The following TAFA5 variants were observed in gnomAD, a reference collection of about 807,000 sequenced individuals.
TAFA5 encodes the protein TAFA chemokine like family member 5.
TAFA5 carries 6 observed loss-of-function variants against 15.3 expected under a neutral mutation model. The observed-to-expected ratio is 0.39, with a 90% confidence interval of 0.21 to 0.77. TAFA5 has a LOEUF of 0.77. Among genes scored for constraint, TAFA5 ranks in the 30% least tolerant of loss-of-function variants. TAFA5 has a pLI of 0.41. For missense variants in TAFA5, 161 were observed against 193.1 expected (o/e 0.83, Z 0.98); for synonymous variants, 103 against 80.7 (o/e 1.28, Z -1.48).
At chr22:48,562,868 GC>G (rs1477034725) in intron 1 of TAFA5, among the ~76,000 whole-genome samples, 1 of 152,152 alleles carries the variant, frequency 6.6e-6, no homozygotes, top group Non-Finnish European at 1.5e-5. Context: ...ACCACACGGG[GC>G]CCCACTTGAC....
chr22:48,571,582 T>TG (rs1923591154), intron 1 of TAFA5, among the ~76,000 whole-genome samples: 2 of 129,578 alleles, frequency 1.5e-5, no homozygotes, highest in Non-Finnish European at 3.2e-5. Context: ...CTGTTTTTTT[T>TG]TTTTTTTTTT....
chr22:48,615,145 G>A (rs1925552154), intron 1 of TAFA5, among the ~76,000 whole-genome samples: 1 of 152,152 alleles, frequency 6.6e-6, no homozygotes, highest in African/African-American at 2.4e-5. Flanking sequence ...CTGAACCCAG[G>A]CTGCCTGGAG....
At chr22:48,629,860 C>T (rs1926152359) in intron 1 of TAFA5, among the ~76,000 whole-genome samples, 1 of 151,740 alleles carries the variant, frequency 6.6e-6, no homozygotes, top group Non-Finnish European at 1.5e-5. Flanking sequence ...GGGCAGATGC[C>T]ACCCGGCAAC....
intron 1 of TAFA5, among the ~76,000 whole-genome samples, chr22:48,619,429 T>C (rs28525396): frequency 0.9 from 136,685 of 151,196 alleles, 62,035 homozygotes; most frequent in East Asian, 1. Context: ...GATCTCAGCT[T>C]ACTGCAACCT....
intron 1 of TAFA5, among the ~76,000 whole-genome samples, chr22:48,585,293 CAT>C (rs1924304679): frequency 6.6e-6 from 1 of 151,298 alleles, no homozygotes; most frequent in East Asian, 1.9e-4. Flanking sequence ...AACACACACA[CAT>C]AAAATACACC....
chr22:48,642,871 G>T (rs1003757573), intron 1 of TAFA5, among the ~76,000 whole-genome samples: 1 of 152,152 alleles, frequency 6.6e-6, no homozygotes, highest in Non-Finnish European at 1.5e-5. Flanking sequence ...TACACAGGGG[G>T]AACAGCTGTG....
intron 3 of TAFA5, among the ~76,000 whole-genome samples, chr22:48,708,570 G>A (rs898108164): frequency 5.3e-5 from 8 of 152,232 alleles, no homozygotes; most frequent in Non-Finnish European, 1.0e-4. Context: ...CCACGCCCAC[G>A]TGCATGGGGC....
At chr22:48,616,733 G>A (rs926231530) in intron 1 of TAFA5, among the ~76,000 whole-genome samples, 7 of 152,164 alleles carry the variant, frequency 4.6e-5, no homozygotes, top group Admixed American at 2.0e-4. Context: ...AAAGCCCAGC[G>A]AGGTGGGTCA....
intron 2 of TAFA5, among the ~76,000 whole-genome samples, chr22:48,660,789 G>A (rs984606958): frequency 2.0e-5 from 3 of 152,190 alleles, no homozygotes; most frequent in African/African-American, 7.2e-5. Flanking sequence ...CAGCAGAAGT[G>A]AGGAGGCTCC....
At chr22:48,711,317 T>C (rs1929246209) in intron 3 of TAFA5, among the ~76,000 whole-genome samples, 2 of 152,024 alleles carry the variant, frequency 1.3e-5, no homozygotes, top group South Asian at 2.1e-4. Flanking sequence ...CTGTGCCTCA[T>C]GTTGCTATGG....
chr22:48,591,169 T>C (rs572326666), intron 1 of TAFA5, among the ~76,000 whole-genome samples: 30 of 152,378 alleles, frequency 2.0e-4, no homozygotes, highest in African/African-American at 6.0e-4. Context: ...CACATTTCTC[T>C]TTTCTCTGAA....
chr22:48,594,957 G>C (rs1345066962), intron 1 of TAFA5, among the ~76,000 whole-genome samples: 18 of 151,850 alleles, frequency 1.2e-4, no homozygotes, highest in Non-Finnish European at 2.6e-4. Flanking sequence ...TGAGCAGGGT[G>C]CCTGTACCCC....
chr22:48,621,423 T>C (rs1289782929), intron 1 of TAFA5, among the ~76,000 whole-genome samples: 1 of 152,010 alleles, frequency 6.6e-6, no homozygotes, highest in Non-Finnish European at 1.5e-5. Flanking sequence ...TCAGCAGATA[T>C]GCCCAGGGCA....
chr22:48,693,079 G>A (rs1225907131), intron 2 of TAFA5, among the ~76,000 whole-genome samples: 1 of 152,250 alleles, frequency 6.6e-6, no homozygotes, highest in Non-Finnish European at 1.5e-5. Flanking sequence ...AAGGCCGTTG[G>A]AACGCTGCCC....
intron 2 of TAFA5, among the ~76,000 whole-genome samples, chr22:48,649,303 C>T (rs961332264): frequency 4.6e-5 from 7 of 152,160 alleles, no homozygotes; most frequent in Non-Finnish European, 7.4e-5. Flanking sequence ...ACCTAGCAGC[C>T]GTATGCCACT....
At chr22:48,605,316 T>C (rs866463475) in intron 1 of TAFA5, among the ~76,000 whole-genome samples, 5 of 111,228 alleles carry the variant, frequency 4.5e-5, no homozygotes, top group Non-Finnish European at 8.0e-5. Context: ...ATGATGGTGG[T>C]GATGGTGATG....
At chr22:48,674,051 C>T (rs923802846) in intron 2 of TAFA5, among the ~76,000 whole-genome samples, 5 of 125,482 alleles carry the variant, frequency 4.0e-5, no homozygotes. Context: ...CACATCTGGA[C>T]TCCTCTGCCC....
At chr22:48,590,022 A>G (rs1924505542) in intron 1 of TAFA5, among the ~76,000 whole-genome samples, 2 of 150,494 alleles carry the variant, frequency 1.3e-5, no homozygotes, top group Admixed American at 6.6e-5. Context: ...TCACGCGCAC[A>G]TGCACGCGTG....
intron 1 of TAFA5, among the ~76,000 whole-genome samples, chr22:48,587,460 C>T (rs923595598): frequency 1.3e-5 from 2 of 152,042 alleles, no homozygotes; most frequent in African/African-American, 2.4e-5. Flanking sequence ...GCAGGCGGGT[C>T]GGGGTGGGCT....
Sources: allele counts gnomAD v4.1 joint callset (sites outside exome capture counted in the v4.1 genomes callset), GRCh38; gene constraint gnomAD v4.1.1; transcripts MANE v1.5; gene names NCBI Gene and HGNC (gene_info 2026-07-23, HGNC 2026-07-21).